LAPTM4B: variants seen among roughly 807,000 people sequenced by gnomAD.
The protein encoded by LAPTM4B is lysosomal protein transmembrane 4 beta.
In LAPTM4B, 26 loss-of-function variants were observed where a neutral mutation model predicts 28.5. The observed-to-expected ratio is 0.91, with a 90% confidence interval of 0.67 to 1.27. The LOEUF (loss-of-function observed/expected upper bound fraction) is 1.27. Ranked by LOEUF, LAPTM4B falls within the 50% of genes most tolerant of loss-of-function variation. The probability of loss-of-function intolerance (pLI) is 0.00; values close to 1 mark genes in which losing one functional copy is unlikely to be tolerated. For missense variants in LAPTM4B, 288 were observed against 285.8 expected, an observed-to-expected ratio of 1.01 and a Z score of -0.06; for synonymous variants, 109 against 106.4, an observed-to-expected ratio of 1.02 and a Z score of -0.15.
chr8:97,840,029 AT>A (rs567173742), intron 6 of LAPTM4B, among the ~76,000 whole-genome samples: 107 of 152,272 alleles, frequency 7.0e-4, no homozygotes, highest in Non-Finnish European at 1.4e-3. Flanking sequence ...GTGGGATTGT[AT>A]CCCCCTGGAA....
At chr8:97,794,758 C>T (rs141174846) in intron 1 of LAPTM4B, among the ~76,000 whole-genome samples, 149 of 152,240 alleles carry the variant, frequency 9.8e-4, no homozygotes, top group African/African-American at 3.5e-3. Context: ...CTGTCACCCA[C>T]GCTGGAGTGC....
At position 97,851,507 on chromosome 8, in the gene LAPTM4B, T is replaced by C. The variant is rs762880103; in HGVS notation, c.*33T>C. 1 of 1,531,502 alleles carries C rather than the reference T, an allele frequency of 6.5e-7. No homozygotes were observed. The highest frequency in any genetic ancestry group is 9.0e-7 in the Non-Finnish European group (1 of 1,105,224). 94.9% of individuals were successfully genotyped at this position (1,531,502 alleles called of 1,614,324 possible). ...AGTGGGCGGAGCTGAGGGCAGCAGC[T>C]TGACTTTGCAGACATCTGAGCAATA... On this transcript the variant is annotated 3_prime_UTR_variant, in exon 7 of 7. Coordinates refer to ENST00000521545, the MANE Select transcript of LAPTM4B (RefSeq NM_018407.6).
intron 2 of LAPTM4B, among the ~76,000 whole-genome samples, chr8:97,811,162 A>T: frequency 6.6e-6 from 1 of 152,190 alleles, no homozygotes; most frequent in South Asian, 2.1e-4. Flanking sequence ...CACGGCTGGG[A>T]ATGTAAATCA....
chr8:97,776,634 C>A (rs568921736), intron 1 of LAPTM4B, among the ~76,000 whole-genome samples: 2 of 152,260 alleles, frequency 1.3e-5, no homozygotes, highest in South Asian at 4.1e-4. Context: ...CGCCGTCGCA[C>A]GTTCGGATCC....
chr8:97,789,198 C>A (rs916112739), intron 1 of LAPTM4B, among the ~76,000 whole-genome samples: 5 of 150,898 alleles, frequency 3.3e-5, no homozygotes, highest in Admixed American at 6.6e-5. Flanking sequence ...CTCAGCCTCC[C>A]AAGTAGCTGG....
chr8:97,792,611 T>C (rs2513948), intron 1 of LAPTM4B, among the ~76,000 whole-genome samples: 1 of 151,952 alleles, frequency 6.6e-6, no homozygotes, highest in Non-Finnish European at 1.5e-5. Context: ...ACTAAATCTC[T>C]CTCTGTAGCG....
intron 1 of LAPTM4B, among the ~76,000 whole-genome samples, chr8:97,801,882 C>T (rs978883752): frequency 2.0e-5 from 3 of 150,860 alleles, no homozygotes; most frequent in South Asian, 2.1e-4. Context: ...ATTGAAATGC[C>T]AAGAAAACTT....
chr8:97,779,359 C>T (rs1039557176), intron 1 of LAPTM4B, among the ~76,000 whole-genome samples: 1 of 152,038 alleles, frequency 6.6e-6, no homozygotes, highest in Admixed American at 6.6e-5. Flanking sequence ...GTGGTGTAGG[C>T]CTATAATCCC....
In LAPTM4B at chr8:97,851,379, G is replaced by A. The variant is rs370717881; in HGVS notation, c.604-18G>A. On this transcript the variant is annotated intron_variant, in intron 6 of 6. Transcript: ENST00000521545. Reference sequence around the variant, plus strand: ...TGCTCTTCAAACATTAACTCTTGCCGTCCCTCTTTCTTCTCAGGTGCTGCT... The same window carrying A: ...TGCTCTTCAAACATTAACTCTTGCCATCCCTCTTTCTTCTCAGGTGCTGCT... The A allele has an allele frequency of 1.7e-5, 26 of 1,549,636 alleles. 1 individual carries two copies. Among genetic ancestry groups the A allele is most frequent in the South Asian group, 7.8e-5 (7 of 89,642 alleles).
At chr8:97,837,953 T>G (rs1396424491) in intron 6 of LAPTM4B, among the ~76,000 whole-genome samples, 1 of 152,228 alleles carries the variant, frequency 6.6e-6, no homozygotes, top group African/African-American at 2.4e-5. Flanking sequence ...AGCATTTTCT[T>G]TTCTTTTGAT....
chr8:97,821,636 A>G (rs1817005314), intron 5 of LAPTM4B, among the ~76,000 whole-genome samples: 3 of 151,774 alleles, frequency 2.0e-5, no homozygotes, highest in Non-Finnish European at 4.4e-5. Context: ...TACTTGAGAT[A>G]AGGGAGAACA....
At chr8:97,798,452 T>A (rs1816624927) in intron 1 of LAPTM4B, among the ~76,000 whole-genome samples, 1 of 151,918 alleles carries the variant, frequency 6.6e-6, no homozygotes, top group Non-Finnish European at 1.5e-5. Context: ...CAGTGGTGAG[T>A]CATTTGTGAT....
intron 6 of LAPTM4B, among the ~76,000 whole-genome samples, chr8:97,829,402 G>A (rs1256022402): frequency 6.6e-6 from 1 of 152,136 alleles, no homozygotes; most frequent in Admixed American, 6.5e-5. Context: ...TGATGAGAGT[G>A]GGACTGGAAT....
chr8:97,831,026 A>G (rs1782084503), intron 6 of LAPTM4B, among the ~76,000 whole-genome samples: 1 of 152,178 alleles, frequency 6.6e-6, no homozygotes, highest in South Asian at 2.1e-4. Context: ...GGAGGAGAGC[A>G]AAGGGTAGAA....
intron 2 of LAPTM4B, among the ~76,000 whole-genome samples, chr8:97,805,991 T>A (rs1272607284): frequency 1.3e-5 from 2 of 152,160 alleles, no homozygotes; most frequent in Non-Finnish European, 2.9e-5. Context: ...CATTTTATAA[T>A]CATTATGCCG....
At chr8:97,818,784 T>G (rs1300533406) in intron 4 of LAPTM4B, among the ~76,000 whole-genome samples, 1 of 149,284 alleles carries the variant, frequency 6.7e-6, no homozygotes, top group East Asian at 2.0e-4. Flanking sequence ...CACTGCAACC[T>G]CCACCACCAG....
intron 1 of LAPTM4B, among the ~76,000 whole-genome samples, chr8:97,802,777 A>G (rs907102031): frequency 3.3e-5 from 5 of 152,148 alleles, no homozygotes; most frequent in African/African-American, 1.2e-4. Flanking sequence ...GGTTAAACAC[A>G]TGCTTGTAGT....
chr8:97,833,341 G>T (rs555088866), intron 6 of LAPTM4B, among the ~76,000 whole-genome samples: 3 of 152,026 alleles, frequency 2.0e-5, no homozygotes, highest in African/African-American at 7.2e-5. Context: ...AAATAGCAGC[G>T]AAACTCCATC....
intron 1 of LAPTM4B, among the ~76,000 whole-genome samples, chr8:97,795,255 A>T (rs1816564061): frequency 6.6e-6 from 1 of 151,984 alleles, no homozygotes. Flanking sequence ...GCCTACCACC[A>T]CACCTGGCTA....
Sources: allele counts gnomAD v4.1 joint callset (sites outside exome capture counted in the v4.1 genomes callset), GRCh38; gene constraint gnomAD v4.1.1; transcripts MANE v1.5; gene names NCBI Gene and HGNC (gene_info 2026-07-23, HGNC 2026-07-21).